The following SNRNP35 variants were observed in gnomAD, a reference collection of about 807,000 sequenced individuals.
The protein encoded by SNRNP35 is small nuclear ribonucleoprotein U11/U12 subunit 35.
In SNRNP35, 16 loss-of-function variants were observed where a neutral mutation model predicts 24.3. That is an observed-to-expected ratio of 0.66 (90% CI 0.45 to 1.00). The LOEUF (loss-of-function observed/expected upper bound fraction) is 1.00. SNRNP35 is among the 50% of genes least tolerant of loss of function. The pLI is 0.00. For synonymous variants in SNRNP35, 106 were observed against 124.8 expected (o/e 0.85, Z 1.00); for missense variants, 292 against 327.2 (o/e 0.89, Z 0.83).
At chr12:123,472,768 A>G in exon 2 of SNRNP35, 1 of 1,427,292 alleles carries the variant, frequency 7.0e-7, no homozygotes, top group Non-Finnish European at 9.6e-7. Context: ...GACATATAGC[A>G]GCAAACTTAG....
At chr12:123,460,029 C>A in intron 1 of SNRNP35, 1 of 668,112 alleles carries the variant, frequency 1.5e-6, no homozygotes, top group Non-Finnish European at 2.7e-6. Flanking sequence ...ACAATAATAT[C>A]AGTTTTATTT....
rs748292386 is a variant in SNRNP35 at position 123,465,666 on chromosome 12, C to A, written c.126C>A (p.Asn42Lys). 18 of 1,613,868 alleles carry A rather than the reference C, an allele frequency of 1.1e-5. No individual in the cohort carries two copies. The highest frequency in any genetic ancestry group is 8.8e-5 in the South Asian group (8 of 91,058). ...WRAMLARYVP[N>K]KGVIGDPLLT... Reference sequence around the variant, plus strand: ...CAATGCTGGCACGATATGTCCCCAACAAAGGTGTCATAGGAGATCCCCTCC... The same window carrying A: ...CAATGCTGGCACGATATGTCCCCAAAAAAGGTGTCATAGGAGATCCCCTCC... The change falls in exon 2 of 2, where the codon AAC (asparagine) becomes AAA (lysine). Residue 42 changes from asparagine to lysine, a missense_variant. Transcript: ENST00000526639. This position sits in a 1 kb window ranked among gnomAD's most constrained non-coding sequence, Gnocchi z 4.2.
At chr12:123,458,477 A>G (rs542954949) in intron 1 of SNRNP35, among the ~76,000 whole-genome samples, 17 of 151,894 alleles carry the variant, frequency 1.1e-4, no homozygotes, top group African/African-American at 3.9e-4. Context: ...GCTGGATGGG[A>G]AGGATAGGCT....
At chr12:123,472,927 A>G in exon 2 of SNRNP35, 2 of 467,128 alleles carry the variant, frequency 4.3e-6, no homozygotes, top group Non-Finnish European at 7.8e-6. Flanking sequence ...TGCTGATGTG[A>G]TGTGTGAGGT....
chr12:123,472,301 C>A (rs924606024), exon 2 of SNRNP35: 2 of 490,134 alleles, frequency 4.1e-6, no homozygotes, highest in Non-Finnish European at 7.3e-6. Context: ...ATATATCCTA[C>A]GGGATCAGAG....
chr12:123,464,084 C>A (rs759816026), intron 1 of SNRNP35, among the ~76,000 whole-genome samples: 1 of 151,618 alleles, frequency 6.6e-6, no homozygotes, highest in Non-Finnish European at 1.5e-5. Context: ...CAGGCGCCTA[C>A]AACCACGCCC....
chr12:123,471,559 G>A (rs1261781827), downstream of SNRNP35: 1 of 152,194 alleles, frequency 6.6e-6, no homozygotes, highest in Admixed American at 6.6e-5. Context: ...TTGCAGTAGA[G>A]CATCTGGCTC....
Position 123,466,552 on chromosome 12 carries a change from C to CT in SNRNP35, c.*285dup, listed in dbSNP as rs61289565. 0.013 allele frequency: 2,438 copies of CT among 190,070 alleles called. 4 individuals are homozygous for CT. The highest frequency in any genetic ancestry group is 0.022 in the Middle Eastern group (12 of 550). The allele number at this position is 190,070 out of a possible 1,614,324, so 11.8% of individuals were successfully genotyped here. On this transcript the variant is annotated 3_prime_UTR_variant, in exon 2 of 2. Coordinates refer to ENST00000526639, the MANE Select transcript of SNRNP35 (RefSeq NM_022717.4). ...ACAGAAGGGCATTTTCTTTTCTTTTCTTTTTTTTTTTTTTGAGACAGAGTC... is the reference window on the plus strand; with the variant it reads ...ACAGAAGGGCATTTTCTTTTCTTTTCTTTTTTTTTTTTTTTGAGACAGAGTC...
At chr12:123,461,238 C>T (rs1479892700) in intron 1 of SNRNP35, among the ~76,000 whole-genome samples, 2 of 151,514 alleles carry the variant, frequency 1.3e-5, no homozygotes, top group Non-Finnish European at 2.9e-5. Context: ...GCCTCAGCCT[C>T]CCGAGTAGCT....
Position 123,466,073 on chromosome 12 carries a change from A to G in SNRNP35, c.533A>G (p.Glu178Gly), listed in dbSNP as rs748516920. ...LPVVKNDLYREGKRERRERSR... is the reference protein window; with the variant it reads ...LPVVKNDLYRGGKRERRERSR... ...GTTGTTAAAAACGACCTCTATAGAG[A>G]GGGAAAACGGGAAAGGCGGGAGCGA... The change falls in exon 2 of 2, where the codon GAG becomes GGG. Residue 178 changes from glutamate to glycine, a missense_variant. Transcript: ENST00000526639. 1 of 1,613,760 alleles carries G rather than the reference A, an allele frequency of 6.2e-7. No homozygotes were observed. Among genetic ancestry groups the G allele is most frequent in the South Asian group, 1.1e-5 (1 of 91,036 alleles).
downstream of SNRNP35, among the ~76,000 whole-genome samples, chr12:123,469,709 C>G (rs571654514): frequency 1.4e-3 from 212 of 152,064 alleles, 1 homozygote; most frequent in African/African-American, 4.9e-3. Context: ...TGCTATGTCA[C>G]CTAGGTTTGT....
At chr12:123,458,241 G>A (rs1880384417) in intron 1 of SNRNP35, 25 bp downstream of exon 1, 1 of 985,312 alleles carries the variant, frequency 1.0e-6, no homozygotes, top group Admixed American at 6.1e-5. Flanking sequence ...CTTGGAAGGA[G>A]CGGGCCCCAC....
At chr12:123,467,654 A>G (rs1402898647), downstream of SNRNP35, among the ~76,000 whole-genome samples, 1 of 152,230 alleles carries the variant, frequency 6.6e-6, no homozygotes, top group African/African-American at 2.4e-5. Flanking sequence ...TGCAAAATAA[A>G]TGATTTAGTA....
At chr12:123,472,780 A>G in exon 2 of SNRNP35, 1 of 1,322,458 alleles carries the variant, frequency 7.6e-7, no homozygotes, top group African/African-American at 1.5e-5. Context: ...CAAACTTAGA[A>G]GGGAGCAAAT....
chr12:123,458,185 CTCCGTCGGAAGGGAGCCCA>C lies in SNRNP35; in HGVS notation c.-34_-16del. The C allele has an allele frequency of 1.0e-6, 1 of 985,458 alleles. No homozygotes were observed. Among genetic ancestry groups the C allele is most frequent in the Non-Finnish European group, 1.2e-6 (1 of 829,990 alleles). 61.0% of individuals were successfully genotyped at this position (985,458 alleles called of 1,614,324 possible). A position where few individuals can be genotyped will look rare whatever the true frequency, so the allele number is the denominator to read the frequency against. On this transcript the variant is annotated 5_prime_UTR_variant, in exon 1 of 2. Coordinates refer to ENST00000526639, the MANE Select transcript of SNRNP35 (RefSeq NM_022717.4). ...CTGTCGCCTGCAGCTGCTCGCCTGT[CTCCGTCGGAAGGGAGCCCA>C]AGCTTTGCAGAGGTGAGTGGAAGCG...
intron 1 of SNRNP35, among the ~76,000 whole-genome samples, chr12:123,462,407 C>G (rs1880682480): frequency 6.6e-6 from 1 of 151,490 alleles, no homozygotes; most frequent in Non-Finnish European, 1.5e-5. Flanking sequence ...GGGTAGTTTA[C>G]AAACAGGCTT....
intron 1 of SNRNP35, among the ~76,000 whole-genome samples, chr12:123,463,930 ATTT>A (rs35927970): frequency 1.8e-5 from 2 of 110,506 alleles, no homozygotes; most frequent in Admixed American, 9.6e-5. Flanking sequence ...CGCCTGGCTA[ATTT>A]TTTTTTTTTT....
chr12:123,458,403 C>G (rs1339631033), intron 1 of SNRNP35, among the ~76,000 whole-genome samples, 187 bp downstream of exon 1: 1 of 145,276 alleles, frequency 6.9e-6, no homozygotes, highest in Non-Finnish European at 1.5e-5. Context: ...GCCTTACTCC[C>G]TGCGGCCCCC....
At position 123,465,454 on chromosome 12, in the gene SNRNP35, T is replaced by A. The variant is rs1167410564; in HGVS notation, c.-3-84T>A. 14 of 1,443,976 alleles carry A rather than the reference T, an allele frequency of 9.7e-6. No homozygotes were observed. Among genetic ancestry groups the A allele is most frequent in the Non-Finnish European group, 1.3e-5 (14 of 1,081,050 alleles). 89.4% of individuals were successfully genotyped at this position (1,443,976 alleles called of 1,614,324 possible). On this transcript the variant is annotated intron_variant, in intron 1 of 1. Transcript: ENST00000526639. This position sits in a 1 kb window ranked among gnomAD's most constrained non-coding sequence, Gnocchi z 4.2. ...GTTTTTAAGAAGAGGTGAATGATAG[T>A]ATCCTTTTCATGGCATTGTTGTAAG...
Sources: gnomAD v4.1 joint callset for allele counts (sites outside exome capture counted in the v4.1 genomes callset) on GRCh38, gnomAD v4.1.1 for gene constraint, Gnocchi (gnomAD v3.1) non-coding constraint, MANE v1.5 for transcripts, NCBI Gene and HGNC (gene_info 2026-07-23, HGNC 2026-07-21) for gene names.